The following IGSF3 variants were observed in gnomAD, a reference collection of about 807,000 sequenced individuals.
IGSF3 encodes the protein immunoglobulin superfamily member 3.
Under a neutral mutation model 114.4 loss-of-function variants are expected in IGSF3, and 23 were observed. The ratio of observed to expected loss-of-function variants is 0.20; its 90% CI spans 0.14 to 0.28. The LOEUF is 0.28. IGSF3 is among the 10% of genes least tolerant of loss of function. The pLI, the probability that IGSF3 is intolerant of heterozygous loss-of-function variation, is 1.00. For synonymous variants in IGSF3, 571 were observed against 645.2 expected (o/e 0.88, Z 1.74); for missense variants, 1,172 against 1,591.5 (o/e 0.74, Z 4.48).
chr1:116,622,936 T>C (rs1025270496), intron 2 of IGSF3, among the ~76,000 whole-genome samples: 8 of 152,236 alleles, frequency 5.3e-5, no homozygotes, highest in Non-Finnish European at 8.8e-5. Context: ...GGGGAATCTA[T>C]GCAGTCCCAA....
intron 2 of IGSF3, among the ~76,000 whole-genome samples, chr1:116,658,943 C>T (rs1648997680): frequency 1.3e-5 from 2 of 152,166 alleles, no homozygotes; most frequent in Admixed American, 1.3e-4. Context: ...TTCGGCAAAG[C>T]CTTGGTCGTC....
At chr1:116,581,190 A>G (rs1292620784) in intron 9 of IGSF3, among the ~76,000 whole-genome samples, 2 of 152,128 alleles carry the variant, frequency 1.3e-5, no homozygotes, top group African/African-American at 4.8e-5. Flanking sequence ...GTGAGCACAG[A>G]TGTCTCAGGA....
rs1245279281 is a variant in IGSF3 at position 116,624,002 on chromosome 1, G to A, written c.44-7545C>T. 1.3e-5 allele frequency among the ~76,000 whole-genome samples: 2 copies of A among 151,216 alleles called. No homozygotes were observed. Among genetic ancestry groups the A allele is most frequent in the African/African-American group, 2.4e-5 (1 of 41,076 alleles). ...CTCCGGAGGCTGAGGCAGGAGAATC[G>A]CTTGAACCCAGCAGGTGGAGGTTGC... is the stretch of plus-strand genomic sequence containing the variant. On this transcript the variant is annotated intron_variant, in intron 2 of 10. Transcript: ENST00000369486. The surrounding 1 kb of genome is among the most constrained non-coding windows in gnomAD (Gnocchi z 4.9).
At chr1:116,599,415 C>CAT (rs1660477934) in intron 7 of IGSF3, among the ~76,000 whole-genome samples, 1 of 148,742 alleles carries the variant, frequency 6.7e-6, no homozygotes, top group African/African-American at 2.6e-5. Flanking sequence ...CACACACACA[C>CAT]ACACAAACAC....
chr1:116,611,820 A>G (rs1661034214), intron 4 of IGSF3, among the ~76,000 whole-genome samples: 1 of 151,912 alleles, frequency 6.6e-6, no homozygotes, highest in African/African-American at 2.4e-5. Context: ...CACTTAGCAC[A>G]TTTTACTTGT....
In IGSF3 at chr1:116,614,253, A is replaced by G; in HGVS notation, c.422-78T>C. ...ACTCCCAGGGCTAAGCTCCCATTCC[A>G]CGCAGGCGTCACTGCACTGCGCCCC... On this transcript the variant is annotated intron_variant, in intron 3 of 10. Transcript: ENST00000369486. The surrounding 1 kb of genome is among the most constrained non-coding windows in gnomAD (Gnocchi z 4.5). 1.6e-6 allele frequency: 2 copies of G among 1,236,716 alleles called. No homozygotes were observed. Among genetic ancestry groups the G allele is most frequent in the Non-Finnish European group, 2.3e-6 (2 of 857,544 alleles). 76.6% of individuals were successfully genotyped at this position (1,236,716 alleles called of 1,614,324 possible).
At position 116,585,090 on chromosome 1, in the gene IGSF3, C is replaced by A. The variant is rs1659774102; in HGVS notation, c.2441-38G>T. 1 of 1,487,722 alleles carries A rather than the reference C, an allele frequency of 6.7e-7. No individual in the cohort carries two copies. Among genetic ancestry groups the A allele is most frequent in the Non-Finnish European group, 9.0e-7 (1 of 1,114,848 alleles). 92.2% of individuals were successfully genotyped at this position (1,487,722 alleles called of 1,614,324 possible). The stretch of plus-strand genomic sequence containing the variant: ...GGAAGAGACGTCAGCGACAAAAGGA[C>A]AACAAGCAATTCGTACGCACCCTTT... On this transcript the variant is annotated intron_variant, in intron 8 of 10. Coordinates refer to ENST00000369486, the MANE Select transcript of IGSF3 (RefSeq NM_001007237.3). This position sits in a 1 kb window ranked among gnomAD's most constrained non-coding sequence, Gnocchi z 4.9.
In IGSF3 at chr1:116,645,183, C is replaced by T. The variant is rs576320328; in HGVS notation, c.43+21101G>A. 5.9e-4 allele frequency among the ~76,000 whole-genome samples: 90 copies of T among 152,308 alleles called. No homozygotes were observed. The South Asian group carries it at 0.012, about 21-fold the overall frequency. On this transcript the variant is annotated intron_variant, in intron 2 of 10. Coordinates refer to ENST00000369486, the MANE Select transcript of IGSF3 (RefSeq NM_001007237.3). The stretch of plus-strand genomic sequence containing the variant: ...GGAACACTACTCAGCAATAAAAAGG[C>T]GTGAACTAGATATACACAAGAACAT...
In IGSF3 at chr1:116,579,394, G is replaced by A. The variant is rs967120282; in HGVS notation, c.3332C>T (p.Thr1111Ile). Residue 1111 changes from threonine to isoleucine, a missense_variant and splice_region_variant, in exon 10 of 11, where the codon ACA becomes ATA. Coordinates refer to ENST00000369486, the MANE Select transcript of IGSF3 (RefSeq NM_001007237.3). The surrounding 1 kb of genome is among the most constrained non-coding windows in gnomAD (Gnocchi z 6.4). The stretch of plus-strand genomic sequence containing the variant: ...CCCTCTGTACTTGGGAAACTCACTT[G>A]TATCTAGAACACGGATGCCGATGGG... ...SAPIGIRVLD[T>I]SPTLQSIICS... is the part of the protein sequence containing the mutation. The A allele has an allele frequency of 2.6e-6, 4 of 1,556,896 alleles. No homozygotes were observed. Among genetic ancestry groups the A allele is most frequent in the Admixed American group, 1.9e-5 (1 of 53,018 alleles).
chr1:116,641,495 C>CAAAAAAAAAAAA (rs57930787), intron 2 of IGSF3, among the ~76,000 whole-genome samples: 1 of 40,690 alleles, frequency 2.5e-5, no homozygotes, highest in African/African-American at 8.8e-5. Context: ...GACTCTGTCT[C>CAAAAAAAAAAAA]AAAAAAAAAA....
Position 116,584,630 on chromosome 1 carries a change from G to C in IGSF3, c.2848+15C>G, listed in dbSNP as rs1171744024. On this transcript the variant is annotated intron_variant, in intron 9 of 10. Transcript: ENST00000369486. The surrounding 1 kb of genome is among the most constrained non-coding windows in gnomAD (Gnocchi z 5.8). ...ACACCAGAGGGAGTGGAAGCTTGGG[G>C]ACGTGGACCCTCACCTGGTCGCATG... is the stretch of plus-strand genomic sequence containing the variant. The C allele has an allele frequency of 6.2e-7, 1 of 1,613,648 alleles. No homozygotes were observed. The highest frequency in any genetic ancestry group is 2.2e-5 in the East Asian group (1 of 44,890).
At position 116,665,306 on chromosome 1, in the gene IGSF3, C is replaced by T. The variant is rs1408506565; in HGVS notation, c.43+978G>A. ...CGTGCAAGACACCTAGATTTGGAGA[C>T]GTGAACCCTGTAGGCAACAATCATA... On this transcript the variant is annotated intron_variant, in intron 2 of 10. Transcript: ENST00000369486. The surrounding 1 kb of genome is among the most constrained non-coding windows in gnomAD (Gnocchi z 4.0). 1.3e-5 allele frequency among the ~76,000 whole-genome samples: 2 copies of T among 152,160 alleles called. No homozygotes were observed. The highest frequency in any genetic ancestry group is 6.5e-5 in the Admixed American group (1 of 15,274).
At chr1:116,620,191 T>C (rs538247068) in intron 2 of IGSF3, among the ~76,000 whole-genome samples, 1 of 152,156 alleles carries the variant, frequency 6.6e-6, no homozygotes, top group East Asian at 1.9e-4. Context: ...AAGCCCCTTT[T>C]GGCCATCCCA....
intron 2 of IGSF3, among the ~76,000 whole-genome samples, chr1:116,646,499 T>C (rs1648377970): frequency 6.8e-6 from 1 of 146,104 alleles, no homozygotes; most frequent in South Asian, 2.3e-4. Flanking sequence ...GAAGGTTAGG[T>C]TTTGGCTCAC....
At position 116,666,950 on chromosome 1, in the gene IGSF3, C is replaced by T. The variant is rs1649357667; in HGVS notation, c.-624G>A. 1 of 401,774 alleles carries T rather than the reference C, an allele frequency of 2.5e-6. No individual in the cohort carries two copies. The highest frequency in any genetic ancestry group is 1.3e-4 in the South Asian group (1 of 7,614). The allele number at this position is 401,774 out of a possible 1,614,324, so 24.9% of individuals were successfully genotyped here. On this transcript the variant is annotated 5_prime_UTR_variant, in exon 2 of 11. Coordinates refer to ENST00000369486, the MANE Select transcript of IGSF3 (RefSeq NM_001007237.3). ...CCCTGAAGCGGTACCCCAGCGCGAG[C>T]AGATTTCTAAAACAAACACAACAGA...
At position 116,600,800 on chromosome 1, in the gene IGSF3, G is replaced by T. The variant is rs1660547166; in HGVS notation, c.1625-455C>A. Among the ~76,000 whole-genome samples the T allele has an allele frequency of 6.6e-6, 1 of 152,134 alleles. No homozygotes were observed. The highest frequency in any genetic ancestry group is 1.9e-4 in the East Asian group (1 of 5,196). On this transcript the variant is annotated intron_variant, in intron 6 of 10. Transcript: ENST00000369486. The surrounding 1 kb of genome is among the most constrained non-coding windows in gnomAD (Gnocchi z 5.5). ...ACTTTTCCTGGTCCCTTAGCGCACT[G>T]GTGCCGAGAAGGGAAGCAGATGGAG...
rs1660292296 is a variant in IGSF3, at chr1:116,595,209, C to G, written c.2029+4732G>C. On this transcript the variant is annotated intron_variant, in intron 7 of 10. Coordinates refer to ENST00000369486, the MANE Select transcript of IGSF3 (RefSeq NM_001007237.3). The surrounding 1 kb of genome is among the most constrained non-coding windows in gnomAD (Gnocchi z 4.2). ...CCTGTCTGCAGGTAGGGCAGTGACC[C>G]TGGCTCCTTGATGCCAATAACAAGT... 6.6e-6 allele frequency among the ~76,000 whole-genome samples: 1 copy of G among 152,210 alleles called. No homozygotes were observed. Among genetic ancestry groups the G allele is most frequent in the South Asian group, 2.1e-4 (1 of 4,836 alleles).
chr1:116,643,367 C>CGCA, intron 2 of IGSF3, among the ~76,000 whole-genome samples: 1 of 152,236 alleles, frequency 6.6e-6, no homozygotes, highest in Non-Finnish European at 1.5e-5. Context: ...CCATTCATGC[C>CGCA]GCAGGTCAAT....
intron 2 of IGSF3, among the ~76,000 whole-genome samples, chr1:116,640,124 C>A (rs1557881746): frequency 1.3e-5 from 2 of 151,308 alleles, no homozygotes; most frequent in Non-Finnish European, 2.9e-5. Flanking sequence ...ACAAAAAATG[C>A]CAAGTTTCTT....
Sources: allele counts gnomAD v4.1 joint callset (sites outside exome capture counted in the v4.1 genomes callset), GRCh38; gene constraint gnomAD v4.1.1; non-coding constraint Gnocchi (gnomAD v3.1); transcripts MANE v1.5; gene names NCBI Gene and HGNC (gene_info 2026-07-23, HGNC 2026-07-21).